CD47: variants seen among roughly 807,000 people sequenced by gnomAD.
The protein encoded by CD47 is leukocyte surface antigen CD47.
CD47 carries 11 observed loss-of-function variants against 44.6 expected under a neutral mutation model. The observed-to-expected ratio is 0.25, with a 90% CI of 0.16 to 0.41. The LOEUF (loss-of-function observed/expected upper bound fraction) is 0.41, where lower values mean the gene tolerates loss of function less well. Among genes scored for constraint, CD47 ranks in the 10% least tolerant of loss-of-function variants. The probability of loss-of-function intolerance (pLI) is 1.00; values close to 1 mark genes in which losing one functional copy is unlikely to be tolerated. For missense variants in CD47, 306 were observed against 386.7 expected (o/e 0.79, Z 1.75); for synonymous variants, 140 against 136.3 (o/e 1.03, Z -0.19).
intron 2 of CD47, among the ~76,000 whole-genome samples, chr3:108,078,068 T>C (rs1212791022): frequency 6.6e-6 from 1 of 152,068 alleles, no homozygotes; most frequent in Non-Finnish European, 1.5e-5. Flanking sequence ...GATTTTCATA[T>C]TGTGTCACAT....
rs77306752 is a variant in CD47 at position 108,046,892 on chromosome 3, A to G, written c.*396T>C. The G allele has an allele frequency of 2.4e-3, 403 of 168,194 alleles. 5 individuals carry two copies. Among genetic ancestry groups the G allele is most frequent in the Middle Eastern group, 0.013 (5 of 386 alleles). The allele number at this position is 168,194 out of a possible 1,614,324, so 10.4% of individuals were successfully genotyped here. ...TGATGGAAGCCACTGGTTTTCATAG[A>G]TATCTCTGGGTAATCACCAGGGCAG... On this transcript the variant is annotated 3_prime_UTR_variant, in exon 11 of 11. Transcript: ENST00000361309.
At position 108,090,984 on chromosome 3, in the gene CD47, G is replaced by A. The variant is rs1279451954; in HGVS notation, c.-76C>T. On this transcript the variant is annotated 5_prime_UTR_variant, in exon 1 of 11. Coordinates refer to ENST00000361309, the MANE Select transcript of CD47 (RefSeq NM_001777.4). ...CAGCCGCCGCCGCCGTTACAGGCAG[G>A]ACCGACCGCCGCCGCGCGTCACAGG... The A allele has an allele frequency of 9.3e-7, 1 of 1,080,302 alleles. No homozygotes were observed. The highest frequency in any genetic ancestry group is 1.2e-6 in the Non-Finnish European group (1 of 814,772). 66.9% of individuals were successfully genotyped at this position (1,080,302 alleles called of 1,614,324 possible).
chr3:108,067,097 C>T (rs1259449066), intron 3 of CD47, among the ~76,000 whole-genome samples: 1 of 152,170 alleles, frequency 6.6e-6, no homozygotes, highest in African/African-American at 2.4e-5. Flanking sequence ...GTTCAAACTA[C>T]TCTTGATAAC....
In CD47 at chr3:108,051,975, T is replaced by A; in HGVS notation, c.878-5A>T. 7.9e-7 allele frequency: 1 copy of A among 1,263,610 alleles called. No homozygotes were observed. The highest frequency in any genetic ancestry group is 2.3e-5 in the East Asian group (1 of 42,736). 78.3% of individuals were successfully genotyped at this position (1,263,610 alleles called of 1,614,324 possible). A position where few individuals can be genotyped will look rare whatever the true frequency, so the allele number is the denominator to read the frequency against. ...GTATAGTCTTCTGATTGGAAGCTGA[T>A]ATAAATAACAAATAAGAATATAAAT... On this transcript the variant is annotated splice_polypyrimidine_tract_variant and splice_region_variant and intron_variant, in intron 7 of 10. Transcript: ENST00000361309.
chr3:108,077,912 C>A (rs757750593), intron 2 of CD47, among the ~76,000 whole-genome samples: 1 of 151,878 alleles, frequency 6.6e-6, no homozygotes, highest in African/African-American at 2.4e-5. Context: ...TGGGAGGTGG[C>A]GGTATGACTA....
At chr3:108,058,106 G>A (rs975003508) in intron 6 of CD47, among the ~76,000 whole-genome samples, 1 of 152,062 alleles carries the variant, frequency 6.6e-6, no homozygotes, top group Non-Finnish European at 1.5e-5. Context: ...ACTCTTTACA[G>A]TCCCGTAATT....
chr3:108,056,648 T>A (rs1450731058), intron 7 of CD47, among the ~76,000 whole-genome samples: 3 of 152,154 alleles, frequency 2.0e-5, no homozygotes, highest in Non-Finnish European at 4.4e-5. Context: ...AAATATAATT[T>A]TTTTAAAAAA....
At chr3:108,088,300 C>T (rs1359039547) in intron 1 of CD47, among the ~76,000 whole-genome samples, 3 of 152,182 alleles carry the variant, frequency 2.0e-5, no homozygotes, top group Non-Finnish European at 2.9e-5. Flanking sequence ...TCATCTATCT[C>T]TCATCTTTAG....
At chr3:108,085,193 C>T (rs2079496007) in intron 1 of CD47, among the ~76,000 whole-genome samples, 1 of 152,072 alleles carries the variant, frequency 6.6e-6, no homozygotes, top group Non-Finnish European at 1.5e-5. Context: ...CATGCCTTAG[C>T]ACATACTGTT....
intron 3 of CD47, among the ~76,000 whole-genome samples, chr3:108,061,676 G>C (rs886667638): frequency 2.6e-5 from 4 of 152,148 alleles, no homozygotes; most frequent in African/African-American, 9.7e-5. Flanking sequence ...TACTATATAT[G>C]AATCTTTTAA....
chr3:108,061,526 A>T (rs896594544), intron 3 of CD47, among the ~76,000 whole-genome samples: 1 of 152,212 alleles, frequency 6.6e-6, no homozygotes, highest in Non-Finnish European at 1.5e-5. Context: ...TTCAATTAAA[A>T]TATTTTAATA....
chr3:108,065,431 C>T (rs1223453515), intron 3 of CD47, among the ~76,000 whole-genome samples: 2 of 152,106 alleles, frequency 1.3e-5, no homozygotes, highest in Admixed American at 6.5e-5. Context: ...AAAATCAGCA[C>T]ATAAGCACAT....
chr3:108,047,350 A>G, intron 10 of CD47, 58 bp from the exon 11 acceptor site: 4 of 1,391,906 alleles, frequency 2.9e-6, no homozygotes, highest in African/African-American at 2.9e-5. Context: ...CTATCCATTA[A>G]AAAGTTGACA....
In CD47 at chr3:108,080,299, G is replaced by A. The variant is rs182245005; in HGVS notation, c.92C>T (p.Thr31Met). The change falls in exon 2 of 11, where the codon ACG becomes ATG. Residue 31 changes from threonine (T) to methionine (M), a missense_variant. Coordinates refer to ENST00000361309, the MANE Select transcript of CD47 (RefSeq NM_001777.4). ...AATGACGACAGTGTCATTACAAAAC[G>A]TGAATTCTACAGATTTTGTTTTATT... ...LFNKTKSVEF[T>M]FCNDTVVIPC... 3.4e-4 allele frequency: 540 copies of A among 1,610,448 alleles called. No homozygotes were observed. Among genetic ancestry groups the A allele is most frequent in the Non-Finnish European group, 4.1e-4 (488 of 1,177,346 alleles).
chr3:108,081,701 C>T (rs58197437), intron 1 of CD47, among the ~76,000 whole-genome samples: 6,436 of 152,006 alleles, frequency 0.042, 164 homozygotes, highest in African/African-American at 0.08. Flanking sequence ...CAAAAACAAA[C>T]ACCGGGCTAC....
intron 1 of CD47, among the ~76,000 whole-genome samples, chr3:108,083,608 T>C (rs201652431): frequency 3.3e-5 from 5 of 151,962 alleles, no homozygotes; most frequent in African/African-American, 1.2e-4. Context: ...AGAAGAGTAA[T>C]TGGTCTTACA....
rs1308525788 is a variant in CD47 at position 108,059,524 on chromosome 3, C to T, written c.619G>A (p.Ala207Thr). 2 of 1,496,196 alleles carry T rather than the reference C, an allele frequency of 1.3e-6. No individual in the cohort carries two copies. Among genetic ancestry groups the T allele is most frequent in the East Asian group, 4.9e-5 (2 of 40,578 alleles). The allele number at this position is 1,496,196 out of a possible 1,614,324, so 92.7% of individuals were successfully genotyped here. A position where few individuals can be genotyped will look rare whatever the true frequency, so the allele number is the denominator to read the frequency against. ...GTCACAATTAAACCAAGGCCAGTAG[C>T]ATTCTTTAATGAATATTCACCTGTC... ...FVPGEYSLKN[A>T]TGLGLIVTST... The change falls in exon 5 of 11, where the codon GCT becomes ACT. Residue 207 changes from alanine to threonine, a missense_variant. By Grantham distance (58) the Ala-to-Thr change is moderately conservative. Transcript: ENST00000361309.
At chr3:108,059,566 TAAA>T in intron 4 of CD47, 22 bp from the exon 5 acceptor site, 1 of 1,215,664 alleles carries the variant, frequency 8.2e-7, no homozygotes, top group Non-Finnish European at 1.2e-6. Context: ...TAAAAACATT[TAAA>T]ATATTTTCCT....
In CD47 at chr3:108,057,494, A is replaced by G; in HGVS notation, c.860T>C (p.Val287Ala). 6.5e-7 allele frequency: 1 copy of G among 1,528,624 alleles called. No individual in the cohort carries two copies. Among genetic ancestry groups the G allele is most frequent in the East Asian group, 2.3e-5 (1 of 44,308 alleles). 94.7% of individuals were successfully genotyped at this position (1,528,624 alleles called of 1,614,324 possible). Residue 287 changes from valine to alanine, a missense_variant, in exon 7 of 11, where the codon GTT (valine) becomes GCT (alanine). By Grantham distance (64) the Val-to-Ala change is moderately conservative. Transcript: ENST00000361309. ...TGACTTACCCACAAATTTCATATAAACTAGTCCAAGTAATTGTGCTAGAGC... is the reference window on the plus strand; with the variant it reads ...TGACTTACCCACAAATTTCATATAAGCTAGTCCAAGTAATTGTGCTAGAGC... ...ILALAQLLGL[V>A]YMKFVASNQK...
Sources: allele counts gnomAD v4.1 joint callset (sites outside exome capture counted in the v4.1 genomes callset), GRCh38; gene constraint gnomAD v4.1.1; transcripts MANE v1.5; gene names NCBI Gene and HGNC (gene_info 2026-07-23, HGNC 2026-07-21).